APPL1: variants seen among roughly 807,000 people sequenced by gnomAD.
APPL1 encodes DCC-interacting protein 13-alpha.
Under a neutral mutation model 106.8 loss-of-function variants are expected in APPL1, and 42 were observed. The observed-to-expected ratio is 0.39, with a 90% confidence interval of 0.31 to 0.51. The LOEUF (loss-of-function observed/expected upper bound fraction) is 0.51, where lower values mean the gene tolerates loss of function less well. Among genes scored for constraint, APPL1 ranks in the 20% least tolerant of loss-of-function variants. The pLI is 0.75. For synonymous variants in APPL1, 263 were observed against 281.8 expected (o/e 0.93, Z 0.67); for missense variants, 769 against 858.2 (o/e 0.90, Z 1.30).
At position 57,271,998 on chromosome 3, in the gene APPL1, T is replaced by C. The variant is rs2060944497; in HGVS notation, c.*2311T>C. 6.6e-6 allele frequency: 1 copy of C among 152,224 alleles called. No individual in the cohort carries two copies. Among genetic ancestry groups the C allele is most frequent in the Non-Finnish European group, 1.5e-5 (1 of 68,038 alleles). 9.4% of individuals were successfully genotyped at this position (152,224 alleles called of 1,614,324 possible). A position where few individuals can be genotyped will look rare whatever the true frequency, so the allele number is the denominator to read the frequency against. On this transcript the variant is annotated 3_prime_UTR_variant, in exon 22 of 22. Coordinates refer to ENST00000288266, the MANE Select transcript of APPL1 (RefSeq NM_012096.3). The stretch of plus-strand genomic sequence containing the variant: ...AGGCTGCCCATGGGTTTCTGCCTAG[T>C]GGTAAAGCTGATTGTTACCCTCCTT...
At chr3:57,258,244 A>G (rs538271134) in intron 15 of APPL1, among the ~76,000 whole-genome samples, 11 of 152,092 alleles carry the variant, frequency 7.2e-5, no homozygotes, top group African/African-American at 2.2e-4. Context: ...TGCAGCTTTG[A>G]CCTTCTGGGC....
chr3:57,263,215 A>G (rs1206068071), intron 19 of APPL1, among the ~76,000 whole-genome samples: 8 of 152,226 alleles, frequency 5.3e-5, no homozygotes, highest in Non-Finnish European at 1.0e-4. Flanking sequence ...TAATAACCAC[A>G]TCATGGAAAA....
At chr3:57,239,653 C>T (rs2060735297) in intron 4 of APPL1, among the ~76,000 whole-genome samples, 1 of 151,908 alleles carries the variant, frequency 6.6e-6, no homozygotes, top group South Asian at 2.1e-4. Flanking sequence ...TTGTTTTGAA[C>T]AACAGTTTTC....
At chr3:57,254,773 C>T (rs563352453) in intron 13 of APPL1, among the ~76,000 whole-genome samples, 8 of 152,226 alleles carry the variant, frequency 5.3e-5, no homozygotes, top group Middle Eastern at 3.4e-3. Flanking sequence ...TACAGGCCTG[C>T]GCCACCATGC....
At chr3:57,262,794 G>A (rs556946158) in intron 19 of APPL1, among the ~76,000 whole-genome samples, 3 of 148,358 alleles carry the variant, frequency 2.0e-5, no homozygotes, top group East Asian at 2.0e-4. Context: ...TTTGTTTTTC[G>A]TTTTTTGTGG....
At chr3:57,260,818 T>C (rs766270576) in intron 19 of APPL1, 44 bp downstream of exon 19, 1 of 1,486,444 alleles carries the variant, frequency 6.7e-7, no homozygotes, top group Non-Finnish European at 9.0e-7. Flanking sequence ...CACTTACTAA[T>C]TGATTCTTAC....
In APPL1 at chr3:57,227,756, C is replaced by T. The variant is rs542640717; in HGVS notation, c.-128C>T. 6.3e-5 allele frequency: 47 copies of T among 740,960 alleles called. No individual in the cohort carries two copies. The African/African-American group carries it at 8.6e-4, about 13-fold the overall frequency. 45.9% of individuals were successfully genotyped at this position (740,960 alleles called of 1,614,324 possible). A position where few individuals can be genotyped will look rare whatever the true frequency, so the allele number is the denominator to read the frequency against. On this transcript the variant is annotated 5_prime_UTR_variant, in exon 1 of 22. Transcript: ENST00000288266. ...ACGGCCGCTCGGCGCCTGGAGAAGG[C>T]TGTGCGGGCGGGGACGGCTGCAGCC... is the stretch of plus-strand genomic sequence containing the variant.
At position 57,242,000 on chromosome 3, in the gene APPL1, T is replaced by C. The variant is rs2060748661; in HGVS notation, c.374-101T>C. 5 of 818,832 alleles carry C rather than the reference T, an allele frequency of 6.1e-6. No homozygotes were observed. In the East Asian group the frequency reaches 8.8e-5, roughly 14 times the overall value. The allele number at this position is 818,832 out of a possible 1,614,324, so 50.7% of individuals were successfully genotyped here. On this transcript the variant is annotated intron_variant, in intron 5 of 21. Transcript: ENST00000288266. Reference sequence around the variant, plus strand: ...ACCCTGAATGTTGAACTATGAAATATTATTTTGAGTTTTAATTATAGTTTA... The same window carrying C: ...ACCCTGAATGTTGAACTATGAAATACTATTTTGAGTTTTAATTATAGTTTA...
At chr3:57,258,484 C>T (rs2060848949) in intron 15 of APPL1, among the ~76,000 whole-genome samples, 2 of 152,212 alleles carry the variant, frequency 1.3e-5, no homozygotes, top group African/African-American at 4.8e-5. Context: ...TTGAGTTGTA[C>T]TTTTCTTCCT....
chr3:57,234,915 A>G (rs1579380170), intron 1 of APPL1, among the ~76,000 whole-genome samples: 2 of 152,300 alleles, frequency 1.3e-5, no homozygotes, highest in South Asian at 2.1e-4. Context: ...TCGGCCTCCC[A>G]AAGTGCTGAG....
chr3:57,261,825 AG>A (rs1435559700), intron 19 of APPL1, among the ~76,000 whole-genome samples: 5 of 151,932 alleles, frequency 3.3e-5, no homozygotes, highest in Non-Finnish European at 5.9e-5. Flanking sequence ...GTCTATTTTT[AG>A]TTTTTTGAGA....
Position 57,260,856 on chromosome 3 carries a change from CAAATT to C in APPL1, c.1842+89_1842+93del, listed in dbSNP as rs67718309. ...AGATTTAATAATAATTAAATTCTTA[CAAATT>C]AAATTAGTTAGTAATTACTGATTGA... is the stretch of plus-strand genomic sequence containing the variant. On this transcript the variant is annotated intron_variant, in intron 19 of 21. Coordinates refer to ENST00000288266, the MANE Select transcript of APPL1 (RefSeq NM_012096.3). 522,497 of 1,309,034 alleles carry C rather than the reference CAAATT, an allele frequency of 0.4. 113,475 individuals carry two copies. The highest frequency in any genetic ancestry group is 0.85 in the East Asian group (33,027 of 38,688). 81.1% of individuals were successfully genotyped at this position (1,309,034 alleles called of 1,614,324 possible).
rs2060816694 is a variant in APPL1, at chr3:57,253,549, A to G, written c.1096-133A>G. On this transcript the variant is annotated intron_variant, in intron 12 of 21. Transcript: ENST00000288266. ...CTTCTAATGAAACATCTGTTATGAA[A>G]TGTTTTCTTATAAGGAAGATAAATA... The G allele has an allele frequency of 6.7e-6, 4 of 598,704 alleles. No individual in the cohort carries two copies. The East Asian group carries it at 1.5e-4, about 23-fold the overall frequency. 37.1% of individuals were successfully genotyped at this position (598,704 alleles called of 1,614,324 possible). A position where few individuals can be genotyped will look rare whatever the true frequency, so the allele number is the denominator to read the frequency against.
chr3:57,237,860 A>G (rs1233954816), intron 3 of APPL1, among the ~76,000 whole-genome samples, 185 bp from the exon 4 acceptor site: 2 of 152,212 alleles, frequency 1.3e-5, no homozygotes, highest in African/African-American at 4.8e-5. Context: ...TGCCATGTCA[A>G]TTGCTTACTT....
At chr3:57,252,196 T>G in intron 11 of APPL1, 73 bp from the exon 12 acceptor site, 1 of 1,298,012 alleles carries the variant, frequency 7.7e-7, no homozygotes, top group Non-Finnish European at 1.1e-6. Context: ...CTTTAAAGAT[T>G]AAAAAGTTAC....
At chr3:57,238,639 A>G (rs2107598520) in intron 4 of APPL1, among the ~76,000 whole-genome samples, 1 of 152,360 alleles carries the variant, frequency 6.6e-6, no homozygotes, top group Admixed American at 6.5e-5. Flanking sequence ...TTCTTTTCAC[A>G]TGGACCATTC....
chr3:57,235,271 C>T (rs770157744), intron 1 of APPL1, among the ~76,000 whole-genome samples: 14 of 152,034 alleles, frequency 9.2e-5, no homozygotes, highest in Non-Finnish European at 2.1e-4. Flanking sequence ...TAGCTTTGAA[C>T]GTTTCTGTTG....
In APPL1 at chr3:57,273,090, A is replaced by G. The variant is rs2060956809; in HGVS notation, c.*3403A>G. ...AAAGATTTGAAACTGGAACTATATTATACTTTTTAACCAATCTCTGTGGCT... is the reference window on the plus strand; with the variant it reads ...AAAGATTTGAAACTGGAACTATATTGTACTTTTTAACCAATCTCTGTGGCT... On this transcript the variant is annotated 3_prime_UTR_variant, in exon 22 of 22. Coordinates refer to ENST00000288266, the MANE Select transcript of APPL1 (RefSeq NM_012096.3). 2 of 152,636 alleles carry G rather than the reference A, an allele frequency of 1.3e-5. No individual in the cohort carries two copies. The highest frequency in any genetic ancestry group is 4.1e-4 in the South Asian group (2 of 4,834). The allele number at this position is 152,636 out of a possible 1,614,324, so 9.5% of individuals were successfully genotyped here. A position where few individuals can be genotyped will look rare whatever the true frequency, so the allele number is the denominator to read the frequency against.
chr3:57,259,832 T>C lies in APPL1; in HGVS notation c.1484-13T>C, dbSNP rs760312960. On this transcript the variant is annotated splice_polypyrimidine_tract_variant and intron_variant, in intron 16 of 21. Transcript: ENST00000288266. ...TAAAAAAAAAATATGTAATACACCT[T>C]GTTCTATTATAGATTCTATTCTTCA... 28 of 1,549,066 alleles carry C rather than the reference T, an allele frequency of 1.8e-5. No homozygotes were observed. The East Asian group carries it at 5.7e-4, about 31-fold the overall frequency.
Sources: gnomAD v4.1 joint callset for allele counts (sites outside exome capture counted in the v4.1 genomes callset) on GRCh38, gnomAD v4.1.1 for gene constraint, MANE v1.5 for transcripts, NCBI Gene and HGNC (gene_info 2026-07-23, HGNC 2026-07-21) for gene names.